UMAD1: variants seen among roughly 807,000 people sequenced by gnomAD.
UMAD1 encodes the protein UBAP1-MVB12-associated (UMA)-domain containing protein 1.
In UMAD1, 8 loss-of-function variants were observed where a neutral mutation model predicts 6.1. That is an observed-to-expected ratio of 1.30 (90% CI 0.76 to 2.35). The LOEUF is 2.35. Among genes scored for constraint, UMAD1 ranks in the 30% most tolerant of loss-of-function variants. UMAD1 has a pLI of 0.00. For missense variants in UMAD1, 130 were observed against 78.4 expected (o/e 1.66, Z -2.49); for synonymous variants, 56 against 31.4 (o/e 1.78, Z -2.61).
chr7:7,873,416 A>C (rs935555788), intron 3 of UMAD1, among the ~76,000 whole-genome samples: 2 of 152,194 alleles, frequency 1.3e-5, no homozygotes, highest in African/African-American at 4.8e-5. Context: ...TGGTGGTGTC[A>C]TTACTCATAC....
In UMAD1 at chr7:7,814,264, G is replaced by A. The variant is rs372893955; in HGVS notation, c.156+12521G>A. ...CTCCTGAAGTGCTGGGATTACAGGC[G>A]TGAGCCACTGTCATATTGCTTTTAT... On this transcript the variant is annotated intron_variant, in intron 3 of 3. Transcript: ENST00000682710. Among the ~76,000 whole-genome samples, 98 of 152,288 alleles carry A rather than the reference G, an allele frequency of 6.4e-4. 2 individuals carry two copies. In the East Asian group the frequency reaches 7.7e-3, roughly 12 times the overall value.
At chr7:7,825,009 A>G (rs896971486) in intron 3 of UMAD1, among the ~76,000 whole-genome samples, 2 of 152,132 alleles carry the variant, frequency 1.3e-5, no homozygotes, top group Non-Finnish European at 2.9e-5. Flanking sequence ...CATGGGTAGC[A>G]TTATGTAACA....
At chr7:7,867,962 G>C (rs969492175) in intron 3 of UMAD1, among the ~76,000 whole-genome samples, 1 of 152,086 alleles carries the variant, frequency 6.6e-6, no homozygotes, top group African/African-American at 2.4e-5. Flanking sequence ...GGGTAGAGCA[G>C]ATAGAGGAGA....
At chr7:7,752,775 G>T (rs1209754595) in intron 2 of UMAD1, among the ~76,000 whole-genome samples, 1 of 151,906 alleles carries the variant, frequency 6.6e-6, no homozygotes, top group Admixed American at 6.6e-5. Context: ...AAATAAGATG[G>T]TATTTTTCTG....
chr7:7,675,807 G>A (rs189372084), intron 2 of UMAD1, among the ~76,000 whole-genome samples: 3 of 152,290 alleles, frequency 2.0e-5, no homozygotes, highest in African/African-American at 7.2e-5. Flanking sequence ...AGTGCAGCTG[G>A]TGCTGTACCT....
intron 2 of UMAD1, among the ~76,000 whole-genome samples, chr7:7,768,729 T>C (rs1782042241): frequency 6.6e-6 from 1 of 152,236 alleles, no homozygotes; most frequent in South Asian, 2.1e-4. Flanking sequence ...CTGGTATATA[T>C]TAGATATTTC....
intron 2 of UMAD1, among the ~76,000 whole-genome samples, chr7:7,757,212 C>G (rs1781795872): frequency 6.6e-6 from 1 of 152,154 alleles, no homozygotes; most frequent in Admixed American, 6.5e-5. Context: ...TGTTGAGACT[C>G]TTCAACTTCA....
chr7:7,743,285 C>T (rs1418483514), intron 2 of UMAD1, among the ~76,000 whole-genome samples: 1 of 152,038 alleles, frequency 6.6e-6, no homozygotes, highest in Admixed American at 6.5e-5. Context: ...GCATAATTAG[C>T]AAGGGATAGT....
intron 2 of UMAD1, among the ~76,000 whole-genome samples, chr7:7,705,577 A>G (rs1482337037): frequency 1.3e-5 from 2 of 152,208 alleles, no homozygotes; most frequent in Non-Finnish European, 2.9e-5. Flanking sequence ...TTGTTTTCAT[A>G]ATCATATTAG....
At chr7:7,731,280 G>A (rs891743553) in intron 2 of UMAD1, among the ~76,000 whole-genome samples, 3 of 152,084 alleles carry the variant, frequency 2.0e-5, no homozygotes, top group South Asian at 2.1e-4. Flanking sequence ...GATTACAGCC[G>A]TCAGCCACTG....
At chr7:7,738,829 C>T (rs1781408321) in intron 2 of UMAD1, 1 of 152,206 alleles carries the variant, frequency 6.6e-6, no homozygotes, top group South Asian at 2.1e-4. Flanking sequence ...GTGCAGGTGC[C>T]TTGACATGGC....
At chr7:7,784,636 T>A (rs1037290489) in intron 2 of UMAD1, among the ~76,000 whole-genome samples, 1 of 151,876 alleles carries the variant, frequency 6.6e-6, no homozygotes, top group African/African-American at 2.4e-5. Context: ...TGAGCCACCG[T>A]GCCCGGCCTA....
chr7:7,699,742 G>T (rs1285375386), intron 2 of UMAD1, among the ~76,000 whole-genome samples: 2 of 152,156 alleles, frequency 1.3e-5, no homozygotes, highest in African/African-American at 4.8e-5. Context: ...AACTTGTAAG[G>T]TTCTGTAATC....
chr7:7,851,926 G>A (rs1783924492), intron 3 of UMAD1, among the ~76,000 whole-genome samples: 1 of 152,000 alleles, frequency 6.6e-6, no homozygotes, highest in South Asian at 2.1e-4. Context: ...CATGCTTGTG[G>A]TGTCATATGT....
At chr7:7,681,001 G>T (rs909893185) in intron 2 of UMAD1, among the ~76,000 whole-genome samples, 1 of 151,984 alleles carries the variant, frequency 6.6e-6, no homozygotes, top group Non-Finnish European at 1.5e-5. Context: ...GTGGCATCGT[G>T]TGCAATACGT....
At chr7:7,734,616 C>T (rs577294114) in intron 2 of UMAD1, among the ~76,000 whole-genome samples, 236 of 152,218 alleles carry the variant, frequency 1.6e-3, no homozygotes, top group Non-Finnish European at 1.9e-3. Flanking sequence ...ATCATAAATA[C>T]TCAAGATCAC....
chr7:7,848,599 A>C (rs1264622228), intron 3 of UMAD1, among the ~76,000 whole-genome samples: 1 of 152,176 alleles, frequency 6.6e-6, no homozygotes, highest in Admixed American at 6.6e-5. Context: ...GTTTGCTTGA[A>C]AAAGTTATTT....
At chr7:7,730,707 C>G (rs1028192687) in intron 2 of UMAD1, among the ~76,000 whole-genome samples, 1 of 151,900 alleles carries the variant, frequency 6.6e-6, no homozygotes, top group Non-Finnish European at 1.5e-5. Flanking sequence ...AAAAACAAAA[C>G]AAAACAAAAA....
chr7:7,842,617 TAA>T (rs60451147), intron 3 of UMAD1, among the ~76,000 whole-genome samples: 149 of 145,860 alleles, frequency 1.0e-3, no homozygotes, highest in African/African-American at 3.5e-3. Flanking sequence ...TACCTTTTTT[TAA>T]AAAAAAAAAA....
Sources: allele counts gnomAD v4.1 joint callset (sites outside exome capture counted in the v4.1 genomes callset), GRCh38; gene constraint gnomAD v4.1.1; transcripts MANE v1.5; gene names NCBI Gene and HGNC (gene_info 2026-07-23, HGNC 2026-07-21).